The following CACNA1H variants were observed in gnomAD, a reference collection of about 807,000 sequenced individuals.
CACNA1H encodes the protein calcium voltage-gated channel subunit alpha1 H.
Under a neutral mutation model 192.5 loss-of-function variants are expected in CACNA1H, and 149 were observed. The observed-to-expected ratio is 0.77, with a 90% CI of 0.68 to 0.89. The LOEUF is 0.89. Among genes scored for constraint, CACNA1H ranks in the 40% least tolerant of loss-of-function variants. CACNA1H has a pLI of 0.00. For missense variants in CACNA1H, 4,257 were observed against 3,423.5 expected (o/e 1.24, Z -6.08); for synonymous variants, 2,202 against 1,475.2 (o/e 1.49, Z -11.29).
intron 2 of CACNA1H, among the ~76,000 whole-genome samples, chr16:1,156,527 TGCAGGAGGCG>T (rs1962417263): frequency 1.3e-5 from 2 of 152,026 alleles, no homozygotes; most frequent in Non-Finnish European, 2.9e-5. Context: ...GGGGAGGCTT[TGCAGGAGGCG>T]GCAGGGGCGG....
chr16:1,211,752 G>C lies in CACNA1H; in HGVS notation c.4513G>C (p.Gly1505Arg). ...GCTGTTCGTGCTGTCATCCAAGGATGGATGGGTGAACATCATGTACGACGG... is the reference window on the plus strand; with the variant it reads ...GCTGTTCGTGCTGTCATCCAAGGATCGATGGGTGAACATCATGTACGACGG... ...MSLFVLSSKD[G>R]WVNIMYDGLD... is the part of the protein sequence containing the mutation. Residue 1505 changes from glycine to arginine, a missense_variant, in exon 24 of 35, where the codon GGA becomes CGA. Transcript: ENST00000348261. 1 of 1,612,716 alleles carries C rather than the reference G, an allele frequency of 6.2e-7. No individual in the cohort carries two copies. Among genetic ancestry groups the C allele is most frequent in the Non-Finnish European group, 8.5e-7 (1 of 1,179,730 alleles).
chr16:1,211,489 A>G lies in CACNA1H; in HGVS notation c.4359A>G (p.Lys1453=), dbSNP rs1969444604. The G allele has an allele frequency of 6.2e-7, 1 of 1,612,422 alleles. No homozygotes were observed. The highest frequency in any genetic ancestry group is 1.1e-5 in the South Asian group (1 of 91,074). ...IFGILGVQLF[K]GKFYYCEGPD... ...CCGTCGCACCCCGTCAGCTCTTCAA[A>G]GGGAAGTTCTACTACTGCGAGGGCC... The change falls in exon 23 of 35, where the codon AAA becomes AAG. Residue 1453 remains lysine, a synonymous_variant. Transcript: ENST00000348261.
chr16:1,208,277 C>G, intron 16 of CACNA1H, 56 bp downstream of exon 16: 1 of 1,261,754 alleles, frequency 7.9e-7, no homozygotes, highest in Non-Finnish European at 1.1e-6. Flanking sequence ...CCCTGCCTGG[C>G]TCCTTATGGC....
In CACNA1H at chr16:1,154,047, C is replaced by G. The variant is rs757925753; in HGVS notation, c.299+11C>G. 3.0e-6 allele frequency: 3 copies of G among 1,016,154 alleles called. No individual in the cohort carries two copies. The highest frequency in any genetic ancestry group is 2.4e-6 in the Non-Finnish European group (2 of 835,532). 62.9% of individuals were successfully genotyped at this position (1,016,154 alleles called of 1,614,324 possible). A position where few individuals can be genotyped will look rare whatever the true frequency, so the allele number is the denominator to read the frequency against. On this transcript the variant is annotated intron_variant, in intron 2 of 34. Transcript: ENST00000348261. The stretch of plus-strand genomic sequence containing the variant: ...GCTGGTCTGCAACCCATATCCTTCC[C>G]GGCCGGCGGGGGGCGGGGGGCGGGG...
intron 2 of CACNA1H, among the ~76,000 whole-genome samples, chr16:1,163,065 C>T (rs1332303629): frequency 6.6e-6 from 1 of 152,234 alleles, no homozygotes; most frequent in East Asian, 1.9e-4. Flanking sequence ...TGCTGTGTGT[C>T]CCTCACTCGT....
At chr16:1,169,628 C>T (rs994394584) in intron 2 of CACNA1H, among the ~76,000 whole-genome samples, 17 of 152,256 alleles carry the variant, frequency 1.1e-4, no homozygotes, top group African/African-American at 3.6e-4. Context: ...CCCGGGCTCC[C>T]GGTGCTTCCC....
In CACNA1H at chr16:1,218,401, G is replaced by T. The variant is rs1333057735; in HGVS notation, c.5637G>T (p.Glu1879Asp). The T allele has an allele frequency of 6.4e-7, 1 of 1,557,102 alleles. No homozygotes were observed. Among genetic ancestry groups the T allele is most frequent in the Non-Finnish European group, 8.7e-7 (1 of 1,151,218 alleles). ...GGGAGGATGCGGAGCTGGACGCCGA[G>T]ATCGAGCTGGAGATGGCGCAGGGCC... ...EAREDAELDAEIELEMAQGPG... is the reference protein window; with the variant it reads ...EAREDAELDADIELEMAQGPG... The change falls in exon 33 of 35, where the codon GAG (glutamate) becomes GAT (aspartate). Residue 1879 changes from glutamate (E) to aspartate (D), a missense_variant. Physicochemically the swap from Glu to Asp is conservative, Grantham distance 45. Transcript: ENST00000348261.
At position 1,172,208 on chromosome 16, in the gene CACNA1H, G is replaced by A. The variant is rs529953954; in HGVS notation, c.299+18172G>A. On this transcript the variant is annotated intron_variant, in intron 2 of 34. Transcript: ENST00000348261. ...TGCCTCGATCCGGCTGGCCCAGGGC[G>A]AGTCTGCCTTTCCTGCCTGACCCCG... 4.9e-4 allele frequency among the ~76,000 whole-genome samples: 74 copies of A among 152,270 alleles called. 2 individuals carry two copies. The South Asian group carries it at 0.014, about 29-fold the overall frequency.
rs3990780 is a variant in CACNA1H, at chr16:1,189,397, C to CTTTTT, written c.300-5542_300-5538dup. Among the ~76,000 whole-genome samples, 6 of 45,032 alleles carry CTTTTT rather than the reference C, an allele frequency of 1.3e-4. 1 individual carries two copies. Among genetic ancestry groups the CTTTTT allele is most frequent in the Admixed American group, 6.1e-4 (2 of 3,268 alleles). 29.5% of individuals were successfully genotyped at this position (45,032 alleles called of 152,430 possible). Reference sequence around the variant, plus strand: ...CCTGGCAGGTGCCCTGAAGAGTGTCCTTTTTTTTTTTTTTTTTTTTTTTTT... The same window carrying CTTTTT: ...CCTGGCAGGTGCCCTGAAGAGTGTCCTTTTTTTTTTTTTTTTTTTTTTTTTTTTTT... On this transcript the variant is annotated intron_variant, in intron 2 of 34. Transcript: ENST00000348261.
chr16:1,158,259 C>T (rs780405272), intron 2 of CACNA1H, among the ~76,000 whole-genome samples: 52 of 152,102 alleles, frequency 3.4e-4, no homozygotes, highest in African/African-American at 9.7e-4. Flanking sequence ...AGACTGGGAG[C>T]GTTGCAGGGC....
intron 2 of CACNA1H, among the ~76,000 whole-genome samples, chr16:1,193,209 C>T (rs886980269): frequency 6.6e-6 from 1 of 151,210 alleles, no homozygotes; most frequent in African/African-American, 2.4e-5. Context: ...AAATGATGGC[C>T]CTCAGAGATG....
At position 1,220,162 on chromosome 16, in the gene CACNA1H, G is replaced by A. The variant is rs1054645; in HGVS notation, c.6230G>A (p.Arg2077His). 0.61 allele frequency: 926,420 copies of A among 1,523,120 alleles called. 285,545 individuals are homozygous for A. Among genetic ancestry groups the A allele is most frequent in the East Asian group, 0.9 (36,765 of 40,930 alleles). 94.4% of individuals were successfully genotyped at this position (1,523,120 alleles called of 1,614,324 possible). A position where few individuals can be genotyped will look rare whatever the true frequency, so the allele number is the denominator to read the frequency against. ...VRTRKHTFGQ[R>H]CVSSRPAAPG... is the part of the protein sequence containing the mutation. ...ACTCGTAAGCATACCTTCGGACAGC[G>A]CTGCGTCTCCAGCCGGCCGGCGGCC... The change falls in exon 35 of 35, where the codon CGC becomes CAC. Residue 2077 changes from arginine (R) to histidine (H), a missense_variant. Physicochemically the swap from Arg to His is conservative, Grantham distance 29. Transcript: ENST00000348261.
At position 1,205,936 on chromosome 16, in the gene CACNA1H, G is replaced by A. The variant is rs189027190; in HGVS notation, c.2604-168G>A. ...CATCAGCGGATAAGCGGCTTTTGAGGTGCTTCCGCAGCTGTTCATGCACCT... is the reference window on the plus strand; with the variant it reads ...CATCAGCGGATAAGCGGCTTTTGAGATGCTTCCGCAGCTGTTCATGCACCT... On this transcript the variant is annotated intron_variant, in intron 11 of 34. Transcript: ENST00000348261. Among the ~76,000 whole-genome samples the A allele has an allele frequency of 3.3e-4, 51 of 152,328 alleles. No individual in the cohort carries two copies. In the East Asian group the frequency reaches 9.7e-3, roughly 29 times the overall value.
chr16:1,185,279 C>T (rs1288518808), intron 2 of CACNA1H, among the ~76,000 whole-genome samples: 1 of 152,234 alleles, frequency 6.6e-6, no homozygotes, highest in African/African-American at 2.4e-5. Flanking sequence ...CTGTTTCCAT[C>T]ACAGGCCATC....
chr16:1,202,211 G>A lies in CACNA1H; in HGVS notation c.1761G>A (p.Glu587=). Residue 587 remains glutamate, a synonymous_variant, in exon 9 of 35, where the codon GAG becomes GAA. Coordinates refer to ENST00000348261, the MANE Select transcript of CACNA1H (RefSeq NM_021098.3). ...ACTGCCACATAGAGGGGCCGCAGGA[G>A]AGGGCCCGGGTGGCACATGCCGCAG... ...HADCHIEGPQ[E]RARVAHAAAT... is the part of the protein sequence containing the mutation. 1 of 1,553,484 alleles carries A rather than the reference G, an allele frequency of 6.4e-7. No individual in the cohort carries two copies. The highest frequency in any genetic ancestry group is 8.7e-7 in the Non-Finnish European group (1 of 1,149,760).
Position 1,218,226 on chromosome 16 carries a change from G to A in CACNA1H, c.5462G>A (p.Cys1821Tyr). 1.3e-6 allele frequency: 2 copies of A among 1,549,760 alleles called. No individual in the cohort carries two copies. Among genetic ancestry groups the A allele is most frequent in the Non-Finnish European group, 1.7e-6 (2 of 1,146,788 alleles). Reference sequence around the variant, plus strand: ...CCACCGCAGGACACGCTGCGCGAGTGCTCCCGTGAGGACAAGCACTGCCTG... The same window carrying A: ...CCACCGCAGGACACGCTGCGCGAGTACTCCCGTGAGGACAAGCACTGCCTG... ...NGIMKDTLRE[C>Y]SREDKHCLSY... Residue 1821 changes from cysteine to tyrosine, a missense_variant, in exon 33 of 35, where the codon TGC becomes TAC. Transcript: ENST00000348261.
intron 9 of CACNA1H, 91 bp from the exon 10 acceptor site, chr16:1,203,919 T>C (rs1358523758): frequency 7.6e-6 from 7 of 922,120 alleles, no homozygotes; most frequent in Non-Finnish European, 1.1e-5. Flanking sequence ...GGGGGACACA[T>C]TCACCCCACC....
At chr16:1,187,522 C>T (rs577933973) in intron 2 of CACNA1H, among the ~76,000 whole-genome samples, 12 of 152,352 alleles carry the variant, frequency 7.9e-5, no homozygotes, top group African/African-American at 2.9e-4. Context: ...GCAGATTTGG[C>T]CTAATGGGGC....
intron 2 of CACNA1H, among the ~76,000 whole-genome samples, chr16:1,183,151 A>C (rs111279925): frequency 0.05 from 7,490 of 151,216 alleles, 531 homozygotes; most frequent in African/African-American, 0.16. Context: ...TGTGTCAGGC[A>C]TGGAGCCCTG....
Sources: gnomAD v4.1 joint callset for allele counts (sites outside exome capture counted in the v4.1 genomes callset) on GRCh38, gnomAD v4.1.1 for gene constraint, MANE v1.5 for transcripts, NCBI Gene and HGNC (gene_info 2026-07-23, HGNC 2026-07-21) for gene names.